Variants in LIPI observed in about 807,000 individuals in gnomAD.
LIPI encodes lipase member I.
A neutral mutation model predicts 50.6 loss-of-function variants in LIPI; 59 were observed. That is an observed-to-expected ratio of 1.16 (90% CI 0.94 to 1.45). LIPI has a LOEUF of 1.45. LIPI is among the 40% of genes most tolerant of loss of function. The pLI, the probability that LIPI is intolerant of heterozygous loss-of-function variation, is 0.00. For missense variants in LIPI, 586 were observed against 536.3 expected (o/e 1.09, Z -0.92); for synonymous variants, 203 against 178.2 (o/e 1.14, Z -1.11).
intron 4 of LIPI, among the ~76,000 whole-genome samples, chr21:14,173,974 G>A (rs1179301779): frequency 6.6e-6 from 1 of 152,178 alleles, no homozygotes; most frequent in Admixed American, 6.5e-5. Context: ...GGAAGGGCAT[G>A]CTTCCTAAAT....
chr21:14,194,160 T>C (rs1220643176), intron 1 of LIPI, among the ~76,000 whole-genome samples: 1 of 152,178 alleles, frequency 6.6e-6, no homozygotes, highest in Non-Finnish European at 1.5e-5. Context: ...ATAACAACTG[T>C]TGGTGAGGAT....
chr21:14,197,026 TAC>T (rs140607205), intron 1 of LIPI, among the ~76,000 whole-genome samples: 20,962 of 146,802 alleles, frequency 0.14, 1,862 homozygotes, highest in South Asian at 0.21. Flanking sequence ...ATAGGACAAA[TAC>T]ACACACACAC....
chr21:14,143,726 A>G (rs1314429055), intron 9 of LIPI: 2 of 152,162 alleles, frequency 1.3e-5, no homozygotes, highest in East Asian at 1.9e-4. Flanking sequence ...CTTATAAAAG[A>G]GATTTTTAAT....
chr21:14,112,173 T>C (rs963714688), intron 9 of LIPI, among the ~76,000 whole-genome samples: 11 of 152,120 alleles, frequency 7.2e-5, no homozygotes, highest in African/African-American at 2.7e-4. Context: ...TTCTAGGCTC[T>C]CTGTTCTGTT....
intron 9 of LIPI, among the ~76,000 whole-genome samples, chr21:14,121,843 G>A (rs1367897265): frequency 4.6e-5 from 7 of 152,074 alleles, no homozygotes; most frequent in Non-Finnish European, 1.0e-4. Flanking sequence ...AGCAGAAAAA[G>A]ATGACTGCCC....
intron 1 of LIPI, among the ~76,000 whole-genome samples, chr21:14,198,387 A>G (rs934264900): frequency 6.6e-6 from 1 of 152,158 alleles, no homozygotes; most frequent in African/African-American, 2.4e-5. Context: ...CTCACATGCA[A>G]TGACAAACAT....
rs559078820 is a variant in LIPI at position 14,181,937 on chromosome 21, A to G, written c.542-78T>C. On this transcript the variant is annotated intron_variant, in intron 3 of 9. Coordinates refer to ENST00000681601, the MANE Select transcript of LIPI (RefSeq NM_001302998.2). Reference sequence around the variant, plus strand: ...CATTGCATACTTCCATTATTACTGCATTATAAACATAAAAAGCATTTATAC... The same window carrying G: ...CATTGCATACTTCCATTATTACTGCGTTATAAACATAAAAAGCATTTATAC... 97 of 767,130 alleles carry G rather than the reference A, an allele frequency of 1.3e-4. No homozygotes were observed. In the African/African-American group the frequency reaches 1.4e-3, roughly 11 times the overall value. 47.5% of individuals were successfully genotyped at this position (767,130 alleles called of 1,614,324 possible).
Position 14,144,767 on chromosome 21 carries a change from ACTT to A in LIPI, c.1148_1150del (p.Glu383del). ...ATTATAAAATTGAGCAAGAATCTTG[ACTT>A]CTTGAAGTTTATAAAATGGTTTGTT... On this transcript the variant is annotated inframe_deletion, in exon 9 of 10. Coordinates refer to ENST00000681601, the MANE Select transcript of LIPI (RefSeq NM_001302998.2). The A allele has an allele frequency of 6.3e-7, 1 of 1,581,754 alleles. No individual in the cohort carries two copies. Among genetic ancestry groups the A allele is most frequent in the Admixed American group, 1.7e-5 (1 of 59,768 alleles).
At chr21:14,195,220 G>A (rs2019803964) in intron 1 of LIPI, among the ~76,000 whole-genome samples, 1 of 152,058 alleles carries the variant, frequency 6.6e-6, no homozygotes, top group Non-Finnish European at 1.5e-5. Flanking sequence ...TCTGCATAGG[G>A]GTCTCTTATA....
intron 9 of LIPI, among the ~76,000 whole-genome samples, chr21:14,121,024 C>A (rs141393144): frequency 1.3e-5 from 2 of 152,170 alleles, no homozygotes; most frequent in African/African-American, 4.8e-5. Context: ...TACCAAACTG[C>A]CTCAGGCTGG....
chr21:14,192,517 C>T (rs1054050850), intron 1 of LIPI, among the ~76,000 whole-genome samples: 1 of 151,928 alleles, frequency 6.6e-6, no homozygotes, highest in Non-Finnish European at 1.5e-5. Context: ...AAATGACACA[C>T]AAAAAAGTTA....
intron 3 of LIPI, among the ~76,000 whole-genome samples, chr21:14,184,310 A>C (rs1052481205): frequency 6.6e-6 from 1 of 151,976 alleles, no homozygotes; most frequent in African/African-American, 2.4e-5. Context: ...GGAACATCAC[A>C]CACTGGGGAC....
chr21:14,168,578 G>T (rs1358251238), intron 4 of LIPI, among the ~76,000 whole-genome samples: 2 of 152,228 alleles, frequency 1.3e-5, no homozygotes, highest in African/African-American at 2.4e-5. Context: ...TGAAAGGAAA[G>T]AATTGTCAAC....
Position 14,146,584 on chromosome 21 carries a change from A to G in LIPI, c.1119-1785T>C, listed in dbSNP as rs562189961. ...TATCTCTCCAATCCACTGTGGTTAA[A>G]TTGTTTTTCCAAAAGAAAAATCCAA... On this transcript the variant is annotated intron_variant, in intron 8 of 9. Coordinates refer to ENST00000681601, the MANE Select transcript of LIPI (RefSeq NM_001302998.2). Among the ~76,000 whole-genome samples, 6 of 152,202 alleles carry G rather than the reference A, an allele frequency of 3.9e-5. No individual in the cohort carries two copies. In the South Asian group the frequency reaches 1.2e-3, roughly 32 times the overall value.
In LIPI at chr21:14,181,824, G is replaced by GT; in HGVS notation, c.576dup (p.Pro193ThrfsTer4). ...GTGTAATCTAATCTGCTATATGGTG[G>GT]TTTTCTGGAGAACCTTGGCCCAGCA... On this transcript the variant is annotated frameshift_variant, in exon 4 of 10. Transcript: ENST00000681601. LOFTEE classifies it high-confidence loss of function. The GT allele has an allele frequency of 6.2e-7, 1 of 1,612,350 alleles. No individual in the cohort carries two copies. Among genetic ancestry groups the GT allele is most frequent in the Non-Finnish European group, 8.5e-7 (1 of 1,178,776 alleles).
chr21:14,164,060 A>G (rs1448744018), intron 6 of LIPI, among the ~76,000 whole-genome samples: 2 of 150,348 alleles, frequency 1.3e-5, no homozygotes, highest in Non-Finnish European at 3.0e-5. Context: ...ATGTGTACAT[A>G]TAAAATATTT....
chr21:14,186,177 T>C (rs911345279), intron 2 of LIPI, 108 bp from the exon 3 acceptor site: 1 of 745,790 alleles, frequency 1.3e-6, no homozygotes, highest in Non-Finnish European at 2.4e-6. Flanking sequence ...CTGGCTTGAT[T>C]CATTTTGGGG....
At chr21:14,194,735 G>A (rs2019787732) in intron 1 of LIPI, among the ~76,000 whole-genome samples, 1 of 152,142 alleles carries the variant, frequency 6.6e-6, no homozygotes. Flanking sequence ...GGCGATGGAT[G>A]ATGATCATGG....
intron 5 of LIPI, 110 bp from the exon 6 acceptor site, chr21:14,165,500 A>T (rs1419571667): frequency 1.4e-6 from 1 of 738,562 alleles, no homozygotes; most frequent in African/African-American, 1.8e-5. Flanking sequence ...TACCTTATGA[A>T]TATTACTGAC....
Sources: allele counts gnomAD v4.1 joint callset (sites outside exome capture counted in the v4.1 genomes callset), GRCh38; gene constraint gnomAD v4.1.1; transcripts MANE v1.5; gene names NCBI Gene and HGNC (gene_info 2026-07-23, HGNC 2026-07-21).